The following FOXP2 variants were observed in gnomAD, a reference collection of about 807,000 sequenced individuals.
FOXP2 encodes the protein forkhead box protein P2.
Under a neutral mutation model 115.8 loss-of-function variants are expected in FOXP2, and 12 were observed. That is an observed-to-expected ratio of 0.10 (90% confidence interval 0.07 to 0.17). FOXP2 has a LOEUF of 0.17. Ranked by LOEUF, FOXP2 falls within the 10% of genes least tolerant of loss-of-function variation. The probability of loss-of-function intolerance (pLI) is 1.00; values close to 1 mark genes in which losing one functional copy is unlikely to be tolerated. For missense variants in FOXP2, 629 were observed against 843.5 expected, an observed-to-expected ratio of 0.75 and a Z score of 3.15; for synonymous variants, 328 against 297.7, an observed-to-expected ratio of 1.10 and a Z score of -1.05.
At chr7:114,092,533 A>G (rs2129139275) in intron 1 of FOXP2, among the ~76,000 whole-genome samples, 1 of 152,242 alleles carries the variant, frequency 6.6e-6, no homozygotes, top group East Asian at 1.9e-4. Context: ...CCTTAAAAAA[A>G]AAAACTTTCT....
At chr7:114,270,883 A>G (rs535850036) in intron 1 of FOXP2, among the ~76,000 whole-genome samples, 2 of 152,172 alleles carry the variant, frequency 1.3e-5, no homozygotes, top group South Asian at 2.1e-4. Context: ...AATCATCACT[A>G]TACCTAAGGT....
At chr7:114,671,045 C>T (rs758055845) in intron 16 of FOXP2, among the ~76,000 whole-genome samples, 40 of 151,738 alleles carry the variant, frequency 2.6e-4, no homozygotes, top group Admixed American at 6.6e-5. Flanking sequence ...TTTTTTCTAA[C>T]ATTTCTGGTC....
chr7:114,176,576 A>G (rs1793319080), intron 1 of FOXP2, among the ~76,000 whole-genome samples: 1 of 151,650 alleles, frequency 6.6e-6, no homozygotes, highest in African/African-American at 2.4e-5. Context: ...CCTGGTCTCA[A>G]GTGATTTGCC....
At chr7:114,169,849 G>C (rs1203880000) in intron 1 of FOXP2, among the ~76,000 whole-genome samples, 3 of 152,166 alleles carry the variant, frequency 2.0e-5, no homozygotes, top group Admixed American at 6.5e-5. Flanking sequence ...TAGTGAATAA[G>C]CCTCAGGAGA....
intron 3 of FOXP2, among the ~76,000 whole-genome samples, chr7:114,623,513 A>C (rs1326058058): frequency 6.6e-6 from 1 of 152,008 alleles, no homozygotes; most frequent in Non-Finnish European, 1.5e-5. Flanking sequence ...TTGATTAGAC[A>C]GAGTGAGATT....
chr7:114,182,294 A>G (rs1408319577), intron 1 of FOXP2, among the ~76,000 whole-genome samples: 2 of 152,072 alleles, frequency 1.3e-5, no homozygotes, highest in East Asian at 3.8e-4. Flanking sequence ...TATACACGAA[A>G]AATGGAACCA....
chr7:114,442,188 A>G (rs1794633137), intron 2 of FOXP2, among the ~76,000 whole-genome samples: 1 of 152,206 alleles, frequency 6.6e-6, no homozygotes, highest in African/African-American at 2.4e-5. Context: ...CACAATATAC[A>G]TGAACTTTAA....
intron 1 of FOXP2, among the ~76,000 whole-genome samples, chr7:114,141,822 A>G (rs1562978631): frequency 6.6e-6 from 1 of 152,218 alleles, no homozygotes; most frequent in Non-Finnish European, 1.5e-5. Flanking sequence ...TACAGGTATA[A>G]AATAACGGAC....
chr7:114,654,289 CT>C (rs774319971), intron 10 of FOXP2: 39 of 660,100 alleles, frequency 5.9e-5, no homozygotes, highest in Non-Finnish European at 7.8e-5. Flanking sequence ...GAATTTCTTT[CT>C]GTGATAGGTT....
Position 114,629,635 on chromosome 7 carries a change from A to G in FOXP2, c.397-170A>G, listed in dbSNP as rs753853005. Reference sequence around the variant, plus strand: ...TTGGAAAATTTCAGAGCTGCCTTGGAAAAAAATGTATGTAGAGCTGTCTCT... The same window carrying G: ...TTGGAAAATTTCAGAGCTGCCTTGGGAAAAAATGTATGTAGAGCTGTCTCT... On this transcript the variant is annotated intron_variant, in intron 4 of 16. Coordinates refer to ENST00000350908, the MANE Select transcript of FOXP2 (RefSeq NM_014491.4). 7 of 1,586,692 alleles carry G rather than the reference A, an allele frequency of 4.4e-6. No individual in the cohort carries two copies. The East Asian group carries it at 6.7e-5, about 15-fold the overall frequency.
At chr7:114,621,031 C>A (rs1194501696) in intron 3 of FOXP2, among the ~76,000 whole-genome samples, 2 of 151,910 alleles carry the variant, frequency 1.3e-5, no homozygotes, top group Non-Finnish European at 2.9e-5. Flanking sequence ...GCTTTGACAG[C>A]CCATAAGTGT....
chr7:114,307,492 C>G (rs890816375), intron 2 of FOXP2, among the ~76,000 whole-genome samples: 11 of 152,106 alleles, frequency 7.2e-5, no homozygotes, highest in Non-Finnish European at 1.5e-4. Flanking sequence ...CAAAAAAGAA[C>G]CCCCACATAT....
chr7:114,174,567 CCAT>C (rs1230171495), intron 1 of FOXP2, among the ~76,000 whole-genome samples: 1 of 151,856 alleles, frequency 6.6e-6, no homozygotes, highest in Non-Finnish European at 1.5e-5. Flanking sequence ...ATATACTGCT[CCAT>C]CTTGATTAGT....
chr7:114,235,798 G>A (rs1287952705), intron 1 of FOXP2, among the ~76,000 whole-genome samples: 4 of 152,082 alleles, frequency 2.6e-5, no homozygotes, highest in African/African-American at 4.8e-5. Flanking sequence ...ATGATCAGTG[G>A]TCAGAATAAA....
intron 2 of FOXP2, among the ~76,000 whole-genome samples, chr7:114,309,340 AC>A: frequency 6.6e-6 from 1 of 152,298 alleles, no homozygotes; most frequent in South Asian, 2.1e-4. Flanking sequence ...CAATCACCGT[AC>A]GAAGTGTGGC....
At chr7:114,683,836 G>A (rs1057230471) in intron 16 of FOXP2, among the ~76,000 whole-genome samples, 4 of 152,150 alleles carry the variant, frequency 2.6e-5, no homozygotes, top group African/African-American at 9.7e-5. Flanking sequence ...CAGAAATATT[G>A]TTGTACATAG....
rs191734458 is a variant in FOXP2 at position 114,484,774 on chromosome 7, T to A, written c.169-49843T>A. 2.8e-4 allele frequency among the ~76,000 whole-genome samples: 42 copies of A among 152,122 alleles called. 2 individuals carry two copies. The highest frequency in any genetic ancestry group is 2.6e-3 in the Admixed American group (39 of 15,272). On this transcript the variant is annotated intron_variant, in intron 2 of 16. Coordinates refer to ENST00000350908, the MANE Select transcript of FOXP2 (RefSeq NM_014491.4). ...ATTTTGTGCCTTTAAAATGTACGTT[T>A]TAGATATCACAAGTTGCATTAACAG...
chr7:114,590,743 A>T (rs1802399689), intron 3 of FOXP2, among the ~76,000 whole-genome samples: 1 of 152,150 alleles, frequency 6.6e-6, no homozygotes, highest in Non-Finnish European at 1.5e-5. Flanking sequence ...GGGGAAGATG[A>T]TGAATGATTA....
Position 114,295,250 on chromosome 7 carries a change from T to C in FOXP2, c.-11+7141T>C, listed in dbSNP as rs947589226. ...ACAATAATCTGCTTTTTACAGCCCATATCAAGTATGAACCAGCATCACTTA... is the reference window on the plus strand; with the variant it reads ...ACAATAATCTGCTTTTTACAGCCCACATCAAGTATGAACCAGCATCACTTA... On this transcript the variant is annotated intron_variant, in intron 2 of 17. Transcript: ENST00000634411. 5.3e-4 allele frequency among the ~76,000 whole-genome samples: 80 copies of C among 152,320 alleles called. 1 individual carries two copies. Among genetic ancestry groups the C allele is most frequent in the African/African-American group, 1.8e-3 (74 of 41,580 alleles).
Sources: gnomAD v4.1 joint callset for allele counts (sites outside exome capture counted in the v4.1 genomes callset) on GRCh38, gnomAD v4.1.1 for gene constraint, MANE v1.5 for transcripts, NCBI Gene and HGNC (gene_info 2026-07-23, HGNC 2026-07-21) for gene names.